Variants in SMARCA4 observed in about 807,000 individuals in gnomAD.
SMARCA4 encodes the protein SWI/SNF-related matrix-associated actin-dependent regulator of chromatin subfamily A member 4.
A neutral mutation model predicts 193.9 loss-of-function variants in SMARCA4; 31 were observed. The ratio of observed to expected loss-of-function variants is 0.16; its 90% confidence interval spans 0.12 to 0.22. The LOEUF (loss-of-function observed/expected upper bound fraction) is 0.22, where lower values mean the gene tolerates loss of function less well. Ranked by LOEUF, SMARCA4 falls within the 10% of genes least tolerant of loss-of-function variation. SMARCA4 has a pLI of 1.00. For missense variants in SMARCA4, 1,148 were observed against 2,296.0 expected (o/e 0.50, Z 10.22); for synonymous variants, 942 against 933.1 (o/e 1.01, Z -0.17).
chr19:10,987,765 C>T lies in SMARCA4; in HGVS notation c.959C>T (p.Pro320Leu), dbSNP rs1060502062. 5 of 1,598,968 alleles carry T rather than the reference C, an allele frequency of 3.1e-6. No homozygotes were observed. The East Asian group carries it at 1.1e-4, about 36-fold the overall frequency. The change falls in exon 6 of 35, where the codon CCC becomes CTC. Residue 320 changes from proline to leucine, a missense_variant. By Grantham distance (98) the Pro-to-Leu change is moderately conservative. Coordinates refer to ENST00000344626, the MANE Select transcript of SMARCA4 (RefSeq NM_003072.5). The surrounding 1 kb of genome is among the most constrained non-coding windows in gnomAD (Gnocchi z 5.3). ...RPSPAPPAVP[P>L]AASPVMPPQT... ...TCCCCCGCGCCCCCTGCCGTCCCAC[C>T]CGCCGCCTCGCCCGTGATGCCACCG... is the stretch of plus-strand genomic sequence containing the variant.
intron 30 of SMARCA4, among the ~76,000 whole-genome samples, chr19:11,049,449 A>G (rs2076130938): frequency 6.6e-6 from 1 of 151,840 alleles, no homozygotes; most frequent in East Asian, 1.9e-4. Context: ...GTGGGGCTGT[A>G]CACTGCCAGT....
chr19:10,965,323 A>C (rs2084130183), intron 1 of SMARCA4: 1 of 152,256 alleles, frequency 6.6e-6, no homozygotes, highest in South Asian at 2.1e-4. Context: ...GGATTGCTGC[A>C]AGAGCTGAAC....
At chr19:11,024,070 C>T (rs1253388259) in intron 20 of SMARCA4, among the ~76,000 whole-genome samples, 2 of 152,216 alleles carry the variant, frequency 1.3e-5, no homozygotes, top group African/African-American at 2.4e-5. Context: ...TGTTTCCTGG[C>T]TGGCTGTAGA....
At chr19:11,026,428 G>T in intron 23 of SMARCA4, 82 bp downstream of exon 23, 3 of 1,005,618 alleles carry the variant, frequency 3.0e-6, no homozygotes, top group Non-Finnish European at 4.8e-6. Flanking sequence ...TATTGCTGCT[G>T]TTATGTTGTC....
intron 16 of SMARCA4, among the ~76,000 whole-genome samples, chr19:11,013,616 G>C (rs1657289458): frequency 6.6e-6 from 1 of 152,196 alleles, no homozygotes; most frequent in South Asian, 2.1e-4. Flanking sequence ...GGGAGGCCTG[G>C]GGTCCCTCTC....
rs1228120902 is a variant in SMARCA4, at chr19:11,035,016, G to A, written c.4054G>A (p.Ala1352Thr). 1.9e-6 allele frequency: 3 copies of A among 1,612,352 alleles called. No individual in the cohort carries two copies. Among genetic ancestry groups the A allele is most frequent in the Middle Eastern group, 1.7e-4 (1 of 5,996 alleles). Residue 1352 changes from alanine (A) to threonine (T), a missense_variant, in exon 29 of 35, where the codon GCG becomes ACG. Transcript: ENST00000344626. Reference sequence around the variant, plus strand: ...CCCCTCGTGGATCATCAAGGACGACGCGGAGGTGGAGCGGCTGACCTGTGA... The same window carrying A: ...CCCCTCGTGGATCATCAAGGACGACACGGAGGTGGAGCGGCTGACCTGTGA... ...ELPSWIIKDD[A>T]EVERLTCEEE...
intron 7 of SMARCA4, among the ~76,000 whole-genome samples, chr19:10,990,939 C>T (rs540875709): frequency 6.6e-6 from 1 of 152,340 alleles, no homozygotes; most frequent in South Asian, 2.1e-4. Context: ...AGAGGACCCC[C>T]TGGATAGATG....
At chr19:10,989,563 C>A in intron 7 of SMARCA4, 120 bp downstream of exon 7, 3 of 1,180,408 alleles carry the variant, frequency 2.5e-6, no homozygotes, top group Non-Finnish European at 3.7e-6. Context: ...GAAAAGCAGC[C>A]GTGGCCATCC....
In SMARCA4 at chr19:11,019,303, G is replaced by T; in HGVS notation, c.2505+280G>T. Reference sequence around the variant, plus strand: ...CTGAGATGGGGACCCAGGAAGAGGGGAGCCTGTCAGCCACCAGGAATGTGC... The same window carrying T: ...CTGAGATGGGGACCCAGGAAGAGGGTAGCCTGTCAGCCACCAGGAATGTGC... On this transcript the variant is annotated intron_variant, in intron 17 of 34. Coordinates refer to ENST00000344626, the MANE Select transcript of SMARCA4 (RefSeq NM_003072.5). This position sits in a 1 kb window ranked among gnomAD's most constrained non-coding sequence, Gnocchi z 6.1. 3.3e-6 allele frequency: 2 copies of T among 605,740 alleles called. No homozygotes were observed. The highest frequency in any genetic ancestry group is 5.9e-6 in the Non-Finnish European group (2 of 339,396). 37.5% of individuals were successfully genotyped at this position (605,740 alleles called of 1,614,324 possible). A position where few individuals can be genotyped will look rare whatever the true frequency, so the allele number is the denominator to read the frequency against.
intron 30 of SMARCA4, among the ~76,000 whole-genome samples, chr19:11,050,192 C>T (rs2076180552): frequency 6.6e-6 from 1 of 152,350 alleles, no homozygotes; most frequent in Non-Finnish European, 1.5e-5. Context: ...GCTAGAGGGG[C>T]ACAATGGCTG....
At chr19:10,990,495 C>T (rs930213329) in intron 7 of SMARCA4, among the ~76,000 whole-genome samples, 2 of 152,162 alleles carry the variant, frequency 1.3e-5, no homozygotes, top group Non-Finnish European at 2.9e-5. Flanking sequence ...CCAGGCTGGT[C>T]TTAAACTCCT....
At position 10,984,122 on chromosome 19, in the gene SMARCA4, A is replaced by T. The variant is rs2145719372; in HGVS notation, c.-30A>T. On this transcript the variant is annotated splice_region_variant and 5_prime_UTR_variant, in exon 2 of 35. Coordinates refer to ENST00000344626, the MANE Select transcript of SMARCA4 (RefSeq NM_003072.5). The surrounding 1 kb of genome is among the most constrained non-coding windows in gnomAD (Gnocchi z 4.3). The stretch of plus-strand genomic sequence containing the variant: ...AGACTGACCAGGACTGTCTTCCAGC[A>T]GGAGGCCACTGTCTGCAGCTCCCGT... The T allele has an allele frequency of 1.2e-6, 2 of 1,613,460 alleles. No individual in the cohort carries two copies. The highest frequency in any genetic ancestry group is 1.7e-6 in the Non-Finnish European group (2 of 1,179,856).
At chr19:11,029,448 G>A (rs1040763782) in intron 24 of SMARCA4, among the ~76,000 whole-genome samples, 3 of 152,276 alleles carry the variant, frequency 2.0e-5, no homozygotes, top group African/African-American at 7.2e-5. Flanking sequence ...GCGAGTAGAG[G>A]AAGGGTAGGA....
chr19:11,037,718 C>G (rs2146747713), intron 29 of SMARCA4, among the ~76,000 whole-genome samples: 1 of 151,936 alleles, frequency 6.6e-6, no homozygotes, highest in South Asian at 2.1e-4. Flanking sequence ...GTCACGAAGA[C>G]TTGCCCCTGT....
chr19:11,024,459 A>C (rs367670353), intron 21 of SMARCA4, 21 bp downstream of exon 21: 1 of 1,503,900 alleles, frequency 6.6e-7, no homozygotes, highest in Non-Finnish European at 9.3e-7. Context: ...GAGTCCCCCA[A>C]CTGCATTCCC....
chr19:11,035,305 G>C (rs1171081926), intron 29 of SMARCA4, among the ~76,000 whole-genome samples, 173 bp downstream of exon 29: 3 of 152,256 alleles, frequency 2.0e-5, no homozygotes, highest in Non-Finnish European at 4.4e-5. Context: ...GGGATGGTCA[G>C]GTCCTTTTGG....
In SMARCA4 at chr19:11,034,782, C is replaced by A; in HGVS notation, c.3952-132C>A. The A allele has an allele frequency of 1.4e-6, 1 of 714,052 alleles. No individual in the cohort carries two copies. Among genetic ancestry groups the A allele is most frequent in the Non-Finnish European group, 2.5e-6 (1 of 400,080 alleles). 44.2% of individuals were successfully genotyped at this position (714,052 alleles called of 1,614,324 possible). On this transcript the variant is annotated intron_variant, in intron 28 of 34. Transcript: ENST00000344626. This position sits in a 1 kb window ranked among gnomAD's most constrained non-coding sequence, Gnocchi z 7.0. ...TCAGCCACTGAAAAATCGAGAGCTA[C>A]TGTTTAACTCTCGCAGCAGCGTGGA... is the stretch of plus-strand genomic sequence containing the variant.
At chr19:11,008,336 A>T (rs1568463435) in intron 14 of SMARCA4, 1 of 375,034 alleles carries the variant, frequency 2.7e-6, no homozygotes, top group Non-Finnish European at 5.2e-6. Context: ...GAAACTTTCC[A>T]GCCTTGTGTG....
chr19:10,996,423 A>G (rs2145976603), intron 10 of SMARCA4, 43 bp downstream of exon 10: 1 of 1,613,728 alleles, frequency 6.2e-7, no homozygotes, highest in Non-Finnish European at 8.5e-7. Context: ...GTGGGATGGG[A>G]GCAGCCGTCT....
Sources: gnomAD v4.1 joint callset for allele counts (sites outside exome capture counted in the v4.1 genomes callset) on GRCh38, gnomAD v4.1.1 for gene constraint, Gnocchi (gnomAD v3.1) non-coding constraint, MANE v1.5 for transcripts, NCBI Gene and HGNC (gene_info 2026-07-23, HGNC 2026-07-21) for gene names.